Variants in PDZRN3 observed in about 807,000 individuals in gnomAD.
The protein encoded by PDZRN3 is PDZ domain containing ring finger 3, also known as E3 ubiquitin-protein ligase PDZRN3.
Under a neutral mutation model 85.7 loss-of-function variants are expected in PDZRN3, and 38 were observed. The ratio of observed to expected loss-of-function variants is 0.44; its 90% CI spans 0.34 to 0.58. PDZRN3 has a LOEUF of 0.58. PDZRN3 is among the 20% of genes least tolerant of loss of function. PDZRN3 has a pLI of 0.01. For synonymous variants in PDZRN3, 759 were observed against 638.0 expected (o/e 1.19, Z -2.86); for missense variants, 1,629 against 1,506.4 (o/e 1.08, Z -1.35).
intron 3 of PDZRN3, among the ~76,000 whole-genome samples, chr3:73,437,960 A>C (rs1446684774): frequency 6.6e-6 from 1 of 152,198 alleles, no homozygotes; most frequent in Non-Finnish European, 1.5e-5. Context: ...TTTTTGAGAG[A>C]ACAGCTGTCC....
At chr3:73,388,138 T>C in intron 7 of PDZRN3, 69 bp from the exon 8 acceptor site, 1 of 751,406 alleles carries the variant, frequency 1.3e-6, no homozygotes, top group East Asian at 2.6e-5. Flanking sequence ...TGCAAAATCA[T>C]TCTATTTTAT....
intron 3 of PDZRN3, among the ~76,000 whole-genome samples, chr3:73,512,533 CT>C (rs1013216521): frequency 5.4e-5 from 8 of 148,150 alleles, no homozygotes; most frequent in Admixed American, 6.7e-5. Flanking sequence ...TGTTTTTTTT[CT>C]TTTTTTTTTC....
intron 3 of PDZRN3, among the ~76,000 whole-genome samples, chr3:73,527,204 A>T (rs960807543): frequency 4.6e-5 from 7 of 152,138 alleles, no homozygotes; most frequent in African/African-American, 1.7e-4. Flanking sequence ...AGTGGTAAGG[A>T]TGAAAGGAGA....
In PDZRN3 at chr3:73,383,006, CGT is replaced by C. The variant is rs1703274881; in HGVS notation, c.*357_*358del. 1 of 176,032 alleles carries C rather than the reference CGT, an allele frequency of 5.7e-6. No homozygotes were observed. Among genetic ancestry groups the C allele is most frequent in the African/African-American group, 2.4e-5 (1 of 42,082 alleles). 10.9% of individuals were successfully genotyped at this position (176,032 alleles called of 1,614,324 possible). ...TTTGTGTTTTAGGCAGGAAAAAAAG[CGT>C]GTTTAACTTTTTTATATGAATATAG... On this transcript the variant is annotated 3_prime_UTR_variant, in exon 10 of 10. Transcript: ENST00000263666.
intron 1 of PDZRN3, 69 bp from the exon 2 acceptor site, chr3:73,608,753 A>G: frequency 1.1e-6 from 1 of 934,456 alleles, no homozygotes; most frequent in Non-Finnish European, 1.7e-6. Flanking sequence ...TTTTCCTTCT[A>G]TCTAAGTGTA....
chr3:73,563,011 A>ATTTT (rs1559739770), intron 3 of PDZRN3, among the ~76,000 whole-genome samples: 1 of 38,212 alleles, frequency 2.6e-5, no homozygotes, highest in African/African-American at 1.3e-4. Flanking sequence ...ATATATATAT[A>ATTTT]TATTTTTTTT....
chr3:73,460,658 G>T (rs1386793815), intron 3 of PDZRN3, among the ~76,000 whole-genome samples: 3 of 152,112 alleles, frequency 2.0e-5, no homozygotes, highest in Non-Finnish European at 2.9e-5. Flanking sequence ...GCATGAAGGT[G>T]CTCTTAGTAA....
intron 3 of PDZRN3, among the ~76,000 whole-genome samples, chr3:73,457,813 T>C (rs924134676): frequency 6.6e-6 from 1 of 152,154 alleles, no homozygotes; most frequent in Non-Finnish European, 1.5e-5. Context: ...CATGTGAGGA[T>C]GCAGCAAGAA....
intron 3 of PDZRN3, among the ~76,000 whole-genome samples, chr3:73,412,002 A>T (rs1022036160): frequency 1.1e-4 from 17 of 152,226 alleles, no homozygotes; most frequent in Non-Finnish European, 1.6e-4. Context: ...CACAGAGGGC[A>T]TCTGCGCATC....
chr3:73,411,914 C>T (rs1220295953), intron 3 of PDZRN3, among the ~76,000 whole-genome samples: 1 of 152,208 alleles, frequency 6.6e-6, no homozygotes, highest in Non-Finnish European at 1.5e-5. Flanking sequence ...TCTATGCACT[C>T]TACCTATATT....
intron 3 of PDZRN3, among the ~76,000 whole-genome samples, chr3:73,599,569 T>C (rs2106891924): frequency 6.6e-6 from 1 of 152,364 alleles, no homozygotes; most frequent in South Asian, 2.1e-4. Flanking sequence ...ATGGTTAAAA[T>C]GGTAAATTCT....
At chr3:73,476,634 C>T (rs1703456746) in intron 3 of PDZRN3, among the ~76,000 whole-genome samples, 1 of 152,206 alleles carries the variant, frequency 6.6e-6, no homozygotes, top group Admixed American at 6.5e-5. Context: ...AAAGACACCG[C>T]ATCTTCCATT....
At chr3:73,554,421 G>A (rs867410090) in intron 3 of PDZRN3, among the ~76,000 whole-genome samples, 1 of 151,930 alleles carries the variant, frequency 6.6e-6, no homozygotes, top group Middle Eastern at 3.4e-3. Flanking sequence ...ACAGATAAGT[G>A]CTCTGTAAGT....
intron 3 of PDZRN3, among the ~76,000 whole-genome samples, chr3:73,583,001 T>C (rs891853806): frequency 3.3e-5 from 5 of 152,332 alleles, no homozygotes; most frequent in Non-Finnish European, 4.4e-5. Context: ...CTGAGCTCAT[T>C]GTGTATGTAC....
At chr3:73,430,397 A>G (rs1468143379) in intron 3 of PDZRN3, among the ~76,000 whole-genome samples, 2 of 152,198 alleles carry the variant, frequency 1.3e-5, no homozygotes, top group African/African-American at 2.4e-5. Flanking sequence ...TTAACTCCCA[A>G]TCAGAATTAT....
At chr3:73,614,711 G>T (rs931180566) in intron 1 of PDZRN3, among the ~76,000 whole-genome samples, 3 of 152,226 alleles carry the variant, frequency 2.0e-5, no homozygotes, top group African/African-American at 7.2e-5. Context: ...GCAAAAATGT[G>T]CAGAGATGGG....
At chr3:73,414,807 A>C (rs1702043041) in intron 3 of PDZRN3, among the ~76,000 whole-genome samples, 1 of 152,248 alleles carries the variant, frequency 6.6e-6, no homozygotes, top group South Asian at 2.1e-4. Flanking sequence ...AAATGCCTCC[A>C]ATTTCCTAGA....
At chr3:73,426,268 G>A (rs576446271) in intron 3 of PDZRN3, among the ~76,000 whole-genome samples, 1 of 151,654 alleles carries the variant, frequency 6.6e-6, no homozygotes, top group Non-Finnish European at 1.5e-5. Flanking sequence ...CAGAAACACT[G>A]TCCTTATTTC....
intron 3 of PDZRN3, among the ~76,000 whole-genome samples, chr3:73,504,934 G>A (rs1010951584): frequency 6.6e-6 from 1 of 152,152 alleles, no homozygotes; most frequent in Non-Finnish European, 1.5e-5. Flanking sequence ...AGTAAGTATG[G>A]AAAAAGCAAA....
Sources: allele counts gnomAD v4.1 joint callset (sites outside exome capture counted in the v4.1 genomes callset), GRCh38; gene constraint gnomAD v4.1.1; transcripts MANE v1.5; gene names NCBI Gene and HGNC (gene_info 2026-07-23, HGNC 2026-07-21).